Variants in EXPH5 observed in about 807,000 individuals in gnomAD.
EXPH5 encodes exophilin-5.
A neutral mutation model predicts 41.1 loss-of-function variants in EXPH5; 42 were observed. The ratio of observed to expected loss-of-function variants is 1.02; its 90% CI spans 0.80 to 1.32. EXPH5 has a LOEUF of 1.32. Ranked by LOEUF, EXPH5 falls within the 40% of genes most tolerant of loss-of-function variation. EXPH5 has a pLI of 0.00. For synonymous variants in EXPH5, 798 were observed against 833.5 expected, an observed-to-expected ratio of 0.96 and a Z score of 0.73; for missense variants, 2,298 against 2,314.5, an observed-to-expected ratio of 0.99 and a Z score of 0.15.
intron 4 of EXPH5, among the ~76,000 whole-genome samples, chr11:108,525,758 C>G (rs2093794335): frequency 1.3e-5 from 2 of 152,026 alleles, no homozygotes; most frequent in Non-Finnish European, 2.9e-5. Context: ...ATTTCCAGCT[C>G]TCTGTGGGGT....
intron 1 of EXPH5, among the ~76,000 whole-genome samples, chr11:108,554,063 C>CTT (rs34487456): frequency 4.3e-5 from 6 of 139,146 alleles, no homozygotes; most frequent in South Asian, 2.3e-4. Flanking sequence ...GGCCCCTGAC[C>CTT]TTTTTTTTTT....
At chr11:108,536,639 A>G (rs1386301217) in intron 3 of EXPH5, among the ~76,000 whole-genome samples, 1 of 152,198 alleles carries the variant, frequency 6.6e-6, no homozygotes, top group Non-Finnish European at 1.5e-5. Context: ...TTAGGAAATC[A>G]GAGCTTGAAG....
intron 1 of EXPH5, among the ~76,000 whole-genome samples, chr11:108,587,974 A>C (rs2094118397): frequency 6.6e-6 from 1 of 152,114 alleles, no homozygotes; most frequent in Non-Finnish European, 1.5e-5. Flanking sequence ...GCTGGTCTCA[A>C]ACTCCTGACC....
chr11:108,543,859 C>T (rs939279977), intron 1 of EXPH5, among the ~76,000 whole-genome samples: 2 of 152,190 alleles, frequency 1.3e-5, no homozygotes, highest in Non-Finnish European at 2.9e-5. Context: ...CCCTCCGATG[C>T]GTGGTACTCC....
the EXPH5 span, among the ~76,000 whole-genome samples, chr11:108,599,319 G>A: frequency 8.6e-5 from 13 of 152,022 alleles, no homozygotes. Context: ...CCTAATTCAA[G>A]GACTGTTTCC....
chr11:108,587,940 A>ACAAG (rs1386841305), intron 1 of EXPH5, among the ~76,000 whole-genome samples: 104 of 152,180 alleles, frequency 6.8e-4, no homozygotes, highest in Middle Eastern at 3.4e-3. Context: ...TTTAGTAGAG[A>ACAAG]TGGGGTTTCA....
rs529387003 is a variant in EXPH5, at chr11:108,556,070, T to C, written c.120-14258A>G. Reference sequence around the variant, plus strand: ...GTTTTAAAGATCTAATTGGCATTTATTAGTGATTCATGAATTGAGTAGCAT... The same window carrying C: ...GTTTTAAAGATCTAATTGGCATTTACTAGTGATTCATGAATTGAGTAGCAT... On this transcript the variant is annotated intron_variant, in intron 1 of 5. Transcript: ENST00000265843. Among the ~76,000 whole-genome samples the C allele has an allele frequency of 2.2e-4, 34 of 152,308 alleles. No homozygotes were observed. In the South Asian group the frequency reaches 7.0e-3, roughly 32 times the overall value.
rs924348000 is a variant in EXPH5 at position 108,510,369 on chromosome 11, T to C, written c.5138A>G (p.His1713Arg). ...TGCTGTGACGTCTTTAGAATTCTCA[T>C]GCTTTGATGGTGATTCTGAGACGTT... Reference protein sequence around the residue: ...FKNVSESPSKHENSKDVTAAQ... With the variant: ...FKNVSESPSKRENSKDVTAAQ... The change falls in exon 6 of 6, where the codon CAT becomes CGT. Residue 1713 changes from histidine to arginine, a missense_variant. Transcript: ENST00000265843. The C allele has an allele frequency of 4.3e-6, 7 of 1,614,202 alleles. No individual in the cohort carries two copies. The highest frequency in any genetic ancestry group is 5.9e-6 in the Non-Finnish European group (7 of 1,180,044).
At chr11:108,540,986 C>A (rs1203699588) in intron 2 of EXPH5, among the ~76,000 whole-genome samples, 1 of 152,228 alleles carries the variant, frequency 6.6e-6, no homozygotes, top group East Asian at 1.9e-4. Context: ...CTCACTGCAA[C>A]CTCTGCCTCC....
At chr11:108,568,438 G>C (rs746634413) in intron 1 of EXPH5, among the ~76,000 whole-genome samples, 7 of 152,042 alleles carry the variant, frequency 4.6e-5, no homozygotes, top group African/African-American at 7.2e-5. Context: ...TCCTTCACCA[G>C]GCCATCTGGA....
At chr11:108,532,354 ATATATATATATATTTTTTTTTTT>A (rs1297392554) in intron 3 of EXPH5, among the ~76,000 whole-genome samples, 4 of 23,004 alleles carry the variant, frequency 1.7e-4, no homozygotes, top group South Asian at 2.3e-3. Context: ...ATATATATAT[ATATATATATATATTTTTTTTTTT>A]TTTTTTTTTT....
chr11:108,604,370 T>C, the EXPH5 span, among the ~76,000 whole-genome samples: 1 of 151,934 alleles, frequency 6.6e-6, no homozygotes, highest in Non-Finnish European at 1.5e-5. Context: ...CATTCCAGCC[T>C]GGGTAACAGA....
In EXPH5 at chr11:108,510,662, A is replaced by G. The variant is rs1201614166; in HGVS notation, c.4845T>C (p.His1615=). Residue 1615 remains histidine, a synonymous_variant, in exon 6 of 6, where the codon CAT becomes CAC. Transcript: ENST00000265843. ...FPAKDVSPRR[H]VATIFPQSGS... ...CACTTTGGGGGAAGATAGTAGCTAC[A>G]TGTCTTCTGGGGCTTACATCTTTAG... 1.2e-6 allele frequency: 2 copies of G among 1,614,022 alleles called. No homozygotes were observed. The highest frequency in any genetic ancestry group is 1.3e-5 in the African/African-American group (1 of 74,916).
At chr11:108,581,595 T>G (rs1282366724) in intron 1 of EXPH5, among the ~76,000 whole-genome samples, 1 of 151,774 alleles carries the variant, frequency 6.6e-6, no homozygotes, top group East Asian at 1.9e-4. Context: ...GTTTTCACCT[T>G]AAGAAATGAG....
chr11:108,521,685 G>A (rs746469025), intron 4 of EXPH5, among the ~76,000 whole-genome samples: 1 of 151,994 alleles, frequency 6.6e-6, no homozygotes, highest in East Asian at 1.9e-4. Flanking sequence ...CAACTCAGAG[G>A]TTACCCTACA....
At chr11:108,580,845 TA>T (rs34385380) in intron 1 of EXPH5, among the ~76,000 whole-genome samples, 1 of 152,048 alleles carries the variant, frequency 6.6e-6, no homozygotes, top group African/African-American at 2.4e-5. Context: ...AGTGGAGGCT[TA>T]AAAAAGCTGA....
chr11:108,568,844 C>T (rs2094046970), intron 1 of EXPH5, among the ~76,000 whole-genome samples: 1 of 152,178 alleles, frequency 6.6e-6, no homozygotes, highest in Non-Finnish European at 1.5e-5. Context: ...GCCTTCTCTT[C>T]CTCCCTAATC....
intron 3 of EXPH5, among the ~76,000 whole-genome samples, chr11:108,536,351 C>T (rs2093879931): frequency 6.6e-6 from 1 of 151,974 alleles, no homozygotes; most frequent in African/African-American, 2.4e-5. Context: ...CCGTACCCTC[C>T]ACCTCCCAGG....
At chr11:108,537,660 T>C (rs2093887806) in intron 3 of EXPH5, among the ~76,000 whole-genome samples, 1 of 152,244 alleles carries the variant, frequency 6.6e-6, no homozygotes, top group Non-Finnish European at 1.5e-5. Flanking sequence ...TATATCTTCT[T>C]TGATCCACCT....
Sources: allele counts gnomAD v4.1 joint callset (sites outside exome capture counted in the v4.1 genomes callset), GRCh38; gene constraint gnomAD v4.1.1; transcripts MANE v1.5; gene names NCBI Gene and HGNC (gene_info 2026-07-23, HGNC 2026-07-21).